SLC25A41: variants seen among roughly 807,000 people sequenced by gnomAD.
SLC25A41 encodes solute carrier family 25 member 41, also known as mitochondrial carrier protein SCaMC-3L.
Under a neutral mutation model 34.7 loss-of-function variants are expected in SLC25A41, and 35 were observed. That is an observed-to-expected ratio of 1.01 (90% CI 0.77 to 1.34). SLC25A41 has a LOEUF of 1.34. Ranked by LOEUF, SLC25A41 falls within the 40% of genes most tolerant of loss-of-function variation. SLC25A41 has a pLI of 0.00. For synonymous variants in SLC25A41, 190 were observed against 209.9 expected, an observed-to-expected ratio of 0.91 and a Z score of 0.82; for missense variants, 492 against 489.8, an observed-to-expected ratio of 1.00 and a Z score of -0.04.
chr19:6,426,070 G>T lies in SLC25A41; in HGVS notation c.*319C>A. 1 of 314,778 alleles carries T rather than the reference G, an allele frequency of 3.2e-6. No homozygotes were observed. Among genetic ancestry groups the T allele is most frequent in the Non-Finnish European group, 6.1e-6 (1 of 163,920 alleles). 19.5% of individuals were successfully genotyped at this position (314,778 alleles called of 1,614,324 possible). On this transcript the variant is annotated 3_prime_UTR_variant, in exon 7 of 7. Coordinates refer to ENST00000321510, the MANE Select transcript of SLC25A41 (RefSeq NM_173637.4). ...AAACCATCTCTTTATTCCTTGTTGT[G>T]TGACATGTTCACCATTTCGCCCTGG...
At chr19:6,429,634 G>A in intron 4 of SLC25A41, 90 bp downstream of exon 4, 1 of 870,540 alleles carries the variant, frequency 1.1e-6, no homozygotes, top group Non-Finnish European at 1.7e-6. Flanking sequence ...AAAGGAGGAG[G>A]GGAGAAAGGA....
Position 6,427,209 on chromosome 19 carries a change from C to T in SLC25A41, c.834G>A (p.Gly278=), listed in dbSNP as rs368039429. ...ACAGACTGACCAGGCCACTGGGGTC[C>T]CCCATATCCCTGCCTGACTTCACCC... ...CFWVKSGRDM[G]DPSGLVSLSS... Residue 278 remains glycine (G), a synonymous_variant, in exon 6 of 7, where the codon GGG becomes GGA. Coordinates refer to ENST00000321510, the MANE Select transcript of SLC25A41 (RefSeq NM_173637.4). The surrounding 1 kb of genome is among the most constrained non-coding windows in gnomAD (Gnocchi z 4.9). 23 of 1,612,556 alleles carry T rather than the reference C, an allele frequency of 1.4e-5. No individual in the cohort carries two copies. In the East Asian group the frequency reaches 4.7e-4, roughly 33 times the overall value.
At chr19:6,436,043 C>T (rs551948153), upstream of SLC25A41, 55 of 159,806 alleles carry the variant, frequency 3.4e-4, no homozygotes, top group African/African-American at 1.3e-3. Context: ...AAACCGAAAC[C>T]AAACAAACAA....
At position 6,429,023 on chromosome 19, in the gene SLC25A41, T is replaced by TTATATATATATATATATATATA. The variant is rs1188926856; in HGVS notation, c.624+700_624+701insTATATATATATATATATATATA. Among the ~76,000 whole-genome samples the TTATATATATATATATATATATA allele has an allele frequency of 5.8e-5, 3 of 51,866 alleles. 1 individual carries two copies. The highest frequency in any genetic ancestry group is 2.1e-4 in the African/African-American group (2 of 9,668). 34.0% of individuals were successfully genotyped at this position (51,866 alleles called of 152,430 possible). A position where few individuals can be genotyped will look rare whatever the true frequency, so the allele number is the denominator to read the frequency against. On this transcript the variant is annotated intron_variant, in intron 4 of 6. Transcript: ENST00000321510. The stretch of plus-strand genomic sequence containing the variant: ...GAGCCAAGGTGTCTGGCCTGAAAAT[T>TTATATATATATATATATATATA]TATATATATATATATAATATATATA...
At chr19:6,430,288 C>T in intron 2 of SLC25A41, 127 bp from the exon 3 acceptor site, 1 of 1,109,606 alleles carries the variant, frequency 9.0e-7, no homozygotes, top group Non-Finnish European at 1.2e-6. Flanking sequence ...ATCCCATCCC[C>T]ATTCCTTCTT....
At position 6,427,467 on chromosome 19, in the gene SLC25A41, C is replaced by G. The variant is rs1465491714; in HGVS notation, c.659G>C (p.Gly220Ala). The G allele has an allele frequency of 6.3e-7, 1 of 1,577,106 alleles. No individual in the cohort carries two copies. The highest frequency in any genetic ancestry group is 1.4e-5 in the African/African-American group (1 of 74,022). Reference sequence around the variant, plus strand: ...GCAGTCCAGCAGCCCCTTGTACTGGCCCGTCCGACGCAAGGTCAACCGCGT... The same window carrying G: ...GCAGTCCAGCAGCCCCTTGTACTGGGCCGTCCGACGCAAGGTCAACCGCGT... ...LKTRLTLRRT[G>A]QYKGLLDCAR... The change falls in exon 5 of 7, where the codon GGC becomes GCC. Residue 220 changes from glycine (G) to alanine (A), a missense_variant. By Grantham distance (60) the Gly-to-Ala change is moderately conservative. Transcript: ENST00000321510. The surrounding 1 kb of genome is among the most constrained non-coding windows in gnomAD (Gnocchi z 4.9).
At chr19:6,432,720 A>G (rs1432971750) in intron 1 of SLC25A41, among the ~76,000 whole-genome samples, 1 of 151,704 alleles carries the variant, frequency 6.6e-6, no homozygotes, top group Non-Finnish European at 1.5e-5. Context: ...CTTCCCAAGT[A>G]GGGACAATGG....
intron 4 of SLC25A41, among the ~76,000 whole-genome samples, chr19:6,428,432 A>G (rs1219319590): frequency 6.7e-6 from 1 of 148,562 alleles, no homozygotes; most frequent in Admixed American, 6.7e-5. Flanking sequence ...GAAAGAAAAA[A>G]AGGAGGGTTT....
At chr19:6,428,335 G>C (rs1250000785) in intron 4 of SLC25A41, among the ~76,000 whole-genome samples, 3 of 150,902 alleles carry the variant, frequency 2.0e-5, no homozygotes. Flanking sequence ...GAAGGTGGAG[G>C]TCGCAGTGAG....
Position 6,426,559 on chromosome 19 carries a change from T to C in SLC25A41, c.943A>G (p.Thr315Ala), listed in dbSNP as rs774854069. 2 of 1,612,204 alleles carry C rather than the reference T, an allele frequency of 1.2e-6. No individual in the cohort carries two copies. The highest frequency in any genetic ancestry group is 1.7e-6 in the Non-Finnish European group (2 of 1,179,506). The change falls in exon 7 of 7, where the codon ACC becomes GCC. Residue 315 changes from threonine (T) to alanine (A), a missense_variant and splice_region_variant. Transcript: ENST00000321510. Reference protein sequence around the residue: ...LVRTRMQAQDTVEGSNPTMRG... With the variant: ...LVRTRMQAQDAVEGSNPTMRG... ...ATGGTGGGATTTGAGCCCTCCACGG[T>C]ATCTGCAGGGACACAGGCAAGATCA...
At position 6,426,104 on chromosome 19, in the gene SLC25A41, C is replaced by T. The variant is rs1216611200; in HGVS notation, c.*285G>A. On this transcript the variant is annotated 3_prime_UTR_variant, in exon 7 of 7. Coordinates refer to ENST00000321510, the MANE Select transcript of SLC25A41 (RefSeq NM_173637.4). ...TCACCATTTCGCCCTGGAGCCAGGA[C>T]GACCCACAAGGGGCCAGACTGGAGT... The T allele has an allele frequency of 9.8e-6, 4 of 408,658 alleles. No homozygotes were observed. Among genetic ancestry groups the T allele is most frequent in the Non-Finnish European group, 1.8e-5 (4 of 221,040 alleles). 25.3% of individuals were successfully genotyped at this position (408,658 alleles called of 1,614,324 possible).
chr19:6,430,178 C>T lies in SLC25A41; in HGVS notation c.364-17G>A, dbSNP rs1332688474. 6.2e-7 allele frequency: 1 copy of T among 1,602,192 alleles called. No homozygotes were observed. The highest frequency in any genetic ancestry group is 8.5e-7 in the Non-Finnish European group (1 of 1,173,956). ...GGAGTAGACCTGGGTGGAGGGAGGA[C>T]CCTGGAGGAGCCCCTGCTCGCCTCT... On this transcript the variant is annotated splice_polypyrimidine_tract_variant and intron_variant, in intron 2 of 6. Coordinates refer to ENST00000321510, the MANE Select transcript of SLC25A41 (RefSeq NM_173637.4).
At chr19:6,426,646 G>C (rs2092243115) in intron 6 of SLC25A41, 85 bp from the exon 7 acceptor site, 9 of 1,503,982 alleles carry the variant, frequency 6.0e-6, no homozygotes, top group Non-Finnish European at 8.1e-6. Flanking sequence ...AGGTGCTGAA[G>C]CCACGGGTAG....
Position 6,426,345 on chromosome 19 carries a change from C to T in SLC25A41, c.*44G>A, listed in dbSNP as rs1440017455. Reference sequence around the variant, plus strand: ...CTTTGGGGCCAGGGGTCATCAGGTCCTCCTGTCCCATTTCTGCCTAGGCTG... The same window carrying T: ...CTTTGGGGCCAGGGGTCATCAGGTCTTCCTGTCCCATTTCTGCCTAGGCTG... On this transcript the variant is annotated 3_prime_UTR_variant, in exon 7 of 7. Coordinates refer to ENST00000321510, the MANE Select transcript of SLC25A41 (RefSeq NM_173637.4). 8.2e-6 allele frequency: 13 copies of T among 1,583,252 alleles called. No individual in the cohort carries two copies. The highest frequency in any genetic ancestry group is 1.7e-5 in the Admixed American group (1 of 58,970).
In SLC25A41 at chr19:6,427,476, C is replaced by A; in HGVS notation, c.650G>T (p.Arg217Leu). The A allele has an allele frequency of 6.4e-6, 10 of 1,562,612 alleles. No homozygotes were observed. The highest frequency in any genetic ancestry group is 8.7e-6 in the Non-Finnish European group (10 of 1,149,634). The stretch of plus-strand genomic sequence containing the variant: ...CAGCCCCTTGTACTGGCCCGTCCGA[C>A]GCAAGGTCAACCGCGTCTTCAGCAC... Reference protein sequence around the residue: ...MEVLKTRLTLRRTGQYKGLLD... With the variant: ...MEVLKTRLTLLRTGQYKGLLD... Residue 217 changes from arginine to leucine, a missense_variant, in exon 5 of 7, where the codon CGT becomes CTT. Transcript: ENST00000321510. The surrounding 1 kb of genome is among the most constrained non-coding windows in gnomAD (Gnocchi z 4.9).
In SLC25A41 at chr19:6,426,526, C is replaced by T. The variant is rs1290969183; in HGVS notation, c.976G>A (p.Val326Ile). 1.2e-6 allele frequency: 2 copies of T among 1,613,336 alleles called. No homozygotes were observed. The highest frequency in any genetic ancestry group is 1.7e-6 in the Non-Finnish European group (2 of 1,179,816). The change falls in exon 7 of 7, where the codon GTC (valine) becomes ATC (isoleucine). Residue 326 changes from valine to isoleucine, a missense_variant. Physicochemically the swap from Val to Ile is conservative, Grantham distance 29 (BLOSUM62 3). Coordinates refer to ENST00000321510, the MANE Select transcript of SLC25A41 (RefSeq NM_173637.4). Reference protein sequence around the residue: ...VEGSNPTMRGVLQRILAQQGW... With the variant: ...VEGSNPTMRGILQRILAQQGW... ...TGCTGGGCCAGGATCCGCTGGAGGA[C>T]TCCGCGCATGGTGGGATTTGAGCCC...
intron 4 of SLC25A41, 45 bp downstream of exon 4, chr19:6,429,679 A>G: frequency 7.0e-7 from 1 of 1,421,338 alleles, no homozygotes; most frequent in Middle Eastern, 1.8e-4. Context: ...GTGGGTAACT[A>G]GTTTCCACGG....
intron 3 of SLC25A41, 78 bp from the exon 4 acceptor site, chr19:6,429,909 G>T (rs1173651259): frequency 3.8e-6 from 6 of 1,587,896 alleles, no homozygotes; most frequent in Non-Finnish European, 1.7e-6. Context: ...GAGGCCTGGG[G>T]TCTGGAGGGT....
In SLC25A41 at chr19:6,426,635, C is replaced by A. The variant is rs1370923140; in HGVS notation, c.941-74G>T. The A allele has an allele frequency of 2.6e-6, 4 of 1,551,552 alleles. No homozygotes were observed. The African/African-American group carries it at 5.4e-5, about 21-fold the overall frequency. On this transcript the variant is annotated intron_variant, in intron 6 of 6. Coordinates refer to ENST00000321510, the MANE Select transcript of SLC25A41 (RefSeq NM_173637.4). ...TCCTAGGAGTCTGGAATGTTGCGGA[C>A]AGGTGCTGAAGCCACGGGTAGGGGC...
Sources: allele counts gnomAD v4.1 joint callset (sites outside exome capture counted in the v4.1 genomes callset), GRCh38; gene constraint gnomAD v4.1.1; non-coding constraint Gnocchi (gnomAD v3.1); transcripts MANE v1.5; gene names NCBI Gene and HGNC (gene_info 2026-07-23, HGNC 2026-07-21).